The following LRRTM4 variants were observed in gnomAD, a reference collection of about 807,000 sequenced individuals.
LRRTM4 encodes leucine rich repeat transmembrane neuronal 4.
In LRRTM4, 25 loss-of-function variants were observed where a neutral mutation model predicts 47.6. The ratio of observed to expected loss-of-function variants is 0.53; its 90% CI spans 0.38 to 0.73. LRRTM4 has a LOEUF of 0.73. Ranked by LOEUF, LRRTM4 falls within the 30% of genes least tolerant of loss-of-function variation. The pLI is 0.00. For missense variants in LRRTM4, 638 were observed against 713.4 expected (o/e 0.89, Z 1.20); for synonymous variants, 311 against 269.5 (o/e 1.15, Z -1.51).
chr2:77,363,670 C>A (rs1159682795), intron 3 of LRRTM4, among the ~76,000 whole-genome samples: 1 of 152,136 alleles, frequency 6.6e-6, no homozygotes, highest in Non-Finnish European at 1.5e-5. Context: ...AATGAATGTG[C>A]GCTTCAAAAT....
At chr2:77,063,866 G>A (rs771464921) in intron 3 of LRRTM4, among the ~76,000 whole-genome samples, 3 of 151,786 alleles carry the variant, frequency 2.0e-5, no homozygotes, top group Non-Finnish European at 4.4e-5. Flanking sequence ...GCAGGCTACT[G>A]TTCTTGGACA....
intron 3 of LRRTM4, among the ~76,000 whole-genome samples, chr2:76,820,668 A>C (rs1000067638): frequency 6.6e-6 from 1 of 151,748 alleles, no homozygotes; most frequent in Non-Finnish European, 1.5e-5. Flanking sequence ...CTTACAACAC[A>C]TCATCAATGA....
chr2:77,381,392 C>G (rs1319192874), intron 3 of LRRTM4, among the ~76,000 whole-genome samples: 1 of 151,840 alleles, frequency 6.6e-6, no homozygotes. Context: ...TTAACCAAGC[C>G]AAATGACAAA....
chr2:76,897,226 C>T (rs1359861723), intron 3 of LRRTM4, among the ~76,000 whole-genome samples: 1 of 152,092 alleles, frequency 6.6e-6, no homozygotes. Flanking sequence ...ATGCAATCAC[C>T]TTCCATGCTG....
chr2:76,944,387 C>A (rs1345000598), intron 3 of LRRTM4, among the ~76,000 whole-genome samples: 4 of 152,126 alleles, frequency 2.6e-5, no homozygotes, highest in African/African-American at 4.8e-5. Context: ...ACACTGAATT[C>A]TCCATCTACT....
intron 3 of LRRTM4, among the ~76,000 whole-genome samples, chr2:77,134,170 T>A (rs1449729831): frequency 6.6e-6 from 1 of 152,136 alleles, no homozygotes; most frequent in African/African-American, 2.4e-5. Flanking sequence ...AATCAAGAGC[T>A]GACTTTAATA....
intron 3 of LRRTM4, among the ~76,000 whole-genome samples, chr2:76,837,487 G>T (rs1331237300): frequency 1.3e-5 from 2 of 151,938 alleles, no homozygotes; most frequent in African/African-American, 4.8e-5. Flanking sequence ...GTCAATTTTG[G>T]ATCTTTCCTG....
At chr2:77,517,960 A>G in intron 3 of LRRTM4, 3 of 1,017,230 alleles carry the variant, frequency 2.9e-6, no homozygotes, top group South Asian at 9.2e-5. Flanking sequence ...CTCCATTACA[A>G]CAGTCAAACA....
intron 3 of LRRTM4, among the ~76,000 whole-genome samples, chr2:77,377,008 C>T (rs2103783076): frequency 6.6e-6 from 1 of 151,920 alleles, no homozygotes; most frequent in Non-Finnish European, 1.5e-5. Context: ...ATTTATATCA[C>T]TAAGGGCATG....
chr2:76,878,879 A>T (rs113565119), intron 3 of LRRTM4, among the ~76,000 whole-genome samples: 28 of 149,308 alleles, frequency 1.9e-4, no homozygotes, highest in East Asian at 5.9e-4. Context: ...ATCTAAAATT[A>T]AAAAAAAAAG....
At chr2:77,049,053 A>G (rs796247588) in intron 3 of LRRTM4, among the ~76,000 whole-genome samples, 27 of 147,952 alleles carry the variant, frequency 1.8e-4, no homozygotes, top group African/African-American at 6.5e-4. Flanking sequence ...TTCATTTAAT[A>G]TATCTGAGCT....
intron 3 of LRRTM4, among the ~76,000 whole-genome samples, chr2:76,919,043 C>A (rs895971368): frequency 1.3e-5 from 2 of 152,068 alleles, no homozygotes; most frequent in Non-Finnish European, 1.5e-5. Flanking sequence ...AAACTAGGTG[C>A]CAGATTCTAG....
intron 3 of LRRTM4, among the ~76,000 whole-genome samples, chr2:76,968,528 AAT>A (rs1676114296): frequency 6.6e-6 from 1 of 151,110 alleles, no homozygotes; most frequent in Admixed American, 6.6e-5. Context: ...TATTGAAAAA[AAT>A]ATCTCTTCAA....
At chr2:77,214,592 T>A (rs966306189) in intron 3 of LRRTM4, among the ~76,000 whole-genome samples, 1 of 152,170 alleles carries the variant, frequency 6.6e-6, no homozygotes, top group African/African-American at 2.4e-5. Flanking sequence ...TTTAATTTAT[T>A]GAGTTCATAG....
chr2:77,421,110 T>C (rs1674864302), intron 3 of LRRTM4, among the ~76,000 whole-genome samples: 1 of 151,890 alleles, frequency 6.6e-6, no homozygotes, highest in South Asian at 2.1e-4. Context: ...GCTTTCACAG[T>C]TCAAAAATAA....
At position 77,308,475 on chromosome 2, in the gene LRRTM4, G is replaced by A. The variant is rs1196775069; in HGVS notation, c.1551+209843C>T. ...AACTGACTAGCCCCTTTTAATTTGA[G>A]GAATTTAGATCATATTTTCTTTCCT... On this transcript the variant is annotated intron_variant, in intron 3 of 3. Transcript: ENST00000409884. Among the ~76,000 whole-genome samples, 13 of 151,974 alleles carry A rather than the reference G, an allele frequency of 8.6e-5. No individual in the cohort carries two copies. In the East Asian group the frequency reaches 2.5e-3, roughly 29 times the overall value.
In LRRTM4 at chr2:76,914,107, T is replaced by TA. The variant is rs1245247214; in HGVS notation, c.1552-165192dup. Among the ~76,000 whole-genome samples, 26 of 152,070 alleles carry TA rather than the reference T, an allele frequency of 1.7e-4. No individual in the cohort carries two copies. In the East Asian group the frequency reaches 4.8e-3, roughly 28 times the overall value. ...AACTATCTTTTACTGGGATTAGTCT[T>TA]AGACAACTTTAAACTTTTAAATTGA... is the stretch of plus-strand genomic sequence containing the variant. On this transcript the variant is annotated intron_variant, in intron 3 of 3. Transcript: ENST00000409884.
intron 3 of LRRTM4, among the ~76,000 whole-genome samples, chr2:77,112,211 A>G (rs1671269985): frequency 6.6e-6 from 1 of 152,184 alleles, no homozygotes; most frequent in South Asian, 2.1e-4. Flanking sequence ...AATCATATGA[A>G]AACTGACTTT....
intron 3 of LRRTM4, among the ~76,000 whole-genome samples, chr2:76,858,222 G>T (rs990917611): frequency 2.6e-5 from 4 of 152,070 alleles, no homozygotes; most frequent in African/African-American, 9.7e-5. Context: ...AGTAAAGCAG[G>T]CTACCCTGCC....
Sources: allele counts gnomAD v4.1 joint callset (sites outside exome capture counted in the v4.1 genomes callset), GRCh38; gene constraint gnomAD v4.1.1; transcripts MANE v1.5; gene names NCBI Gene and HGNC (gene_info 2026-07-23, HGNC 2026-07-21).